The following FAM200B variants were observed in gnomAD, a reference collection of about 807,000 sequenced individuals.
FAM200B encodes zinc finger BED-type containing 11.
A neutral mutation model predicts 33.1 loss-of-function variants in FAM200B; 32 were observed. The observed-to-expected ratio is 0.97, with a 90% CI of 0.73 to 1.30. FAM200B has a LOEUF of 1.30. Among genes scored for constraint, FAM200B ranks in the 50% most tolerant of loss-of-function variants. FAM200B has a pLI of 0.00. For synonymous variants in FAM200B, 240 were observed against 264.8 expected, an observed-to-expected ratio of 0.91 and a Z score of 0.91; for missense variants, 741 against 754.0, an observed-to-expected ratio of 0.98 and a Z score of 0.20.
the FAM200B span, among the ~76,000 whole-genome samples, chr4:15,663,214 T>C: frequency 6.6e-6 from 1 of 152,224 alleles, no homozygotes; most frequent in African/African-American, 2.4e-5. Context: ...AGGGGTAATA[T>C]TATACATTGA....
At chr4:15,650,782 G>A in the FAM200B span, among the ~76,000 whole-genome samples, 4 of 142,330 alleles carry the variant, frequency 2.8e-5, no homozygotes, top group African/African-American at 5.2e-5. Context: ...ACAGGACCCC[G>A]CCACCATGCC....
chr4:15,655,345 C>T, the FAM200B span: 1 of 1,284,780 alleles, frequency 7.8e-7, no homozygotes, highest in African/African-American at 1.6e-5. Context: ...CATAGACACC[C>T]TCGCCGCGGG....
At chr4:15,666,321 C>G in the FAM200B span, among the ~76,000 whole-genome samples, 5 of 151,872 alleles carry the variant, frequency 3.3e-5, no homozygotes, top group Non-Finnish European at 7.4e-5. Context: ...ATTGCTTGAG[C>G]CCAGGATGGT....
intron 1 of FAM200B, among the ~76,000 whole-genome samples, chr4:15,685,616 C>G (rs1185593327): frequency 6.6e-6 from 1 of 151,614 alleles, no homozygotes; most frequent in Non-Finnish European, 1.5e-5. Flanking sequence ...TAGTACCTCT[C>G]CAGTCATCAA....
chr4:15,687,051 T>G lies in FAM200B; in HGVS notation c.74T>G (p.Val25Gly). 14 of 1,532,566 alleles carry G rather than the reference T, an allele frequency of 9.1e-6. No individual in the cohort carries two copies. The highest frequency in any genetic ancestry group is 1.2e-5 in the Non-Finnish European group (14 of 1,134,502). The allele number at this position is 1,532,566 out of a possible 1,614,324, so 94.9% of individuals were successfully genotyped here. A position where few individuals can be genotyped will look rare whatever the true frequency, so the allele number is the denominator to read the frequency against. The part of the protein sequence containing the change: ...KYTEACSSSS[V>G]ESGIVNSDNI... ...ACAGAAGCATGTTCAAGTTCATCTG[T>G]TGAATCTGGAATTGTGAATAGTGAC... Residue 25 changes from valine (V) to glycine (G), a missense_variant, in exon 2 of 2, where the codon GTT (valine) becomes GGT (glycine). Coordinates refer to ENST00000422728, the MANE Select transcript of FAM200B (RefSeq NM_001145191.2).
At chr4:15,683,108 A>G (rs1452192766) in intron 1 of FAM200B, among the ~76,000 whole-genome samples, 3 of 152,234 alleles carry the variant, frequency 2.0e-5, no homozygotes, top group Admixed American at 6.5e-5. Flanking sequence ...TAGACTATCA[A>G]GCATTGTAAC....
At chr4:15,672,304 T>C in the FAM200B span, among the ~76,000 whole-genome samples, 1 of 152,248 alleles carries the variant, frequency 6.6e-6, no homozygotes, top group Admixed American at 6.5e-5. Flanking sequence ...CAGCCGTCTC[T>C]GAGCACGACA....
the FAM200B span, among the ~76,000 whole-genome samples, chr4:15,640,352 A>C: frequency 1.3e-5 from 2 of 150,812 alleles, no homozygotes; most frequent in Non-Finnish European, 3.0e-5. Context: ...GCCAAGACTA[A>C]TACATTTAAA....
chr4:15,638,760 T>A, the FAM200B span: 2 of 998,744 alleles, frequency 2.0e-6, no homozygotes, highest in South Asian at 1.6e-5. Flanking sequence ...TAAACCCTTT[T>A]AAATTATTAA....
At chr4:15,640,373 A>G in the FAM200B span, among the ~76,000 whole-genome samples, 1 of 148,364 alleles carries the variant, frequency 6.7e-6, no homozygotes, top group African/African-American at 2.5e-5. Context: ...GCCACCATTT[A>G]AATACTAAAC....
the FAM200B span, among the ~76,000 whole-genome samples, chr4:15,644,989 G>C: frequency 1.3e-5 from 2 of 152,170 alleles, no homozygotes; most frequent in Admixed American, 6.5e-5. Context: ...GATTAAACCA[G>C]GCCCCTTCTA....
chr4:15,687,096 A>G lies in FAM200B; in HGVS notation c.119A>G (p.Asp40Gly). The change falls in exon 2 of 2, where the codon GAC becomes GGC. Residue 40 changes from aspartate to glycine, a missense_variant. Asp to Gly is a moderately conservative substitution (Grantham distance 94). Transcript: ENST00000422728. ...AGTGACAATATTGAGAAAAATACTG[A>G]CTCCAATCTGCAAACTTCAACTTCA... ...VNSDNIEKNT[D>G]SNLQTSTSFE... The G allele has an allele frequency of 1.3e-6, 2 of 1,549,014 alleles. No homozygotes were observed. Among genetic ancestry groups the G allele is most frequent in the Non-Finnish European group, 1.7e-6 (2 of 1,145,782 alleles).
At chr4:15,640,689 A>T in the FAM200B span, 2 of 571,936 alleles carry the variant, frequency 3.5e-6, no homozygotes, top group Non-Finnish European at 6.1e-6. Flanking sequence ...TCCATCAACC[A>T]GATACATCTT....
At chr4:15,650,470 A>C in the FAM200B span, among the ~76,000 whole-genome samples, 2 of 152,080 alleles carry the variant, frequency 1.3e-5, no homozygotes, top group Non-Finnish European at 2.9e-5. Context: ...CCTACTACTA[A>C]TAGGTCACAG....
At chr4:15,684,531 TG>T (rs1244511705) in intron 1 of FAM200B, among the ~76,000 whole-genome samples, 2 of 152,168 alleles carry the variant, frequency 1.3e-5, no homozygotes, top group South Asian at 4.1e-4. Context: ...TGAGGTTTCT[TG>T]GGGGAAAGTT....
chr4:15,650,301 A>G, the FAM200B span, among the ~76,000 whole-genome samples: 2 of 152,270 alleles, frequency 1.3e-5, no homozygotes, highest in Non-Finnish European at 1.5e-5. Context: ...CATGACCTTC[A>G]GTATGAAATA....
At position 15,687,107 on chromosome 4, in the gene FAM200B, C is replaced by T. The variant is rs1036273051; in HGVS notation, c.130C>T (p.Gln44Ter). 6.5e-7 allele frequency: 1 copy of T among 1,548,746 alleles called. No individual in the cohort carries two copies. Among genetic ancestry groups the T allele is most frequent in the South Asian group, 1.2e-5 (1 of 83,190 alleles). Reference protein sequence around the residue: ...NIEKNTDSNLQTSTSFEPHFK... With the variant: ...NIEKNTDSNL ...TGAGAAAAATACTGACTCCAATCTG[C>T]AAACTTCAACTTCATTTGAGCCACA... The change falls in exon 2 of 2, where the codon CAA becomes TAA. Residue 44 changes from glutamine to a stop codon, truncating the protein, a stop_gained. Transcript: ENST00000422728. LOFTEE classifies it high-confidence loss of function.
the FAM200B span, among the ~76,000 whole-genome samples, chr4:15,656,810 A>G: frequency 2.2e-3 from 337 of 152,180 alleles, 2 homozygotes; most frequent in Admixed American, 4.3e-3. Flanking sequence ...TACCGTCTGT[A>G]AGCTAGTAAT....
chr4:15,682,375 A>G (rs763000668), intron 1 of FAM200B, among the ~76,000 whole-genome samples: 1 of 152,210 alleles, frequency 6.6e-6, no homozygotes, highest in Non-Finnish European at 1.5e-5. Flanking sequence ...TTTAGACAGA[A>G]AAAAGGTAGA....
Sources: gnomAD v4.1 joint callset for allele counts (sites outside exome capture counted in the v4.1 genomes callset) on GRCh38, gnomAD v4.1.1 for gene constraint, MANE v1.5 for transcripts, NCBI Gene and HGNC (gene_info 2026-07-23, HGNC 2026-07-21) for gene names.